BSN: variants seen among roughly 807,000 people sequenced by gnomAD.
The protein encoded by BSN is bassoon presynaptic cytomatrix protein.
BSN carries 57 observed loss-of-function variants against 264.8 expected under a neutral mutation model. The observed-to-expected ratio is 0.22, with a 90% CI of 0.17 to 0.27. The LOEUF is 0.27. BSN is among the 10% of genes least tolerant of loss of function. The probability of loss-of-function intolerance (pLI) is 1.00; values close to 1 mark genes in which losing one functional copy is unlikely to be tolerated. For synonymous variants in BSN, 2,059 were observed against 2,137.3 expected (o/e 0.96, Z 1.01); for missense variants, 4,615 against 5,232.5 (o/e 0.88, Z 3.64).
In BSN at chr3:49,661,863, G is replaced by A. The variant is rs2052659845; in HGVS notation, c.10018G>A (p.Gly3340Arg). Residue 3340 changes from glycine (G) to arginine (R), a missense_variant, in exon 6 of 12, where the codon GGG becomes AGG. This residue lies in a region of BSN where 3,415 missense variants were observed against 3,866.4 expected (regional missense o/e 0.88). Transcript: ENST00000296452. ...AGAGAAGTATGGTCCAGGGCCCATG[G>A]GGCCCAAGCATCCCTCCAAGAGCCT... ...RVEKYGPGPM[G>R]PKHPSKSLAP... 7 of 1,613,614 alleles carry A rather than the reference G, an allele frequency of 4.3e-6. No homozygotes were observed. In the East Asian group the frequency reaches 6.7e-5, roughly 15 times the overall value.
At position 49,554,596 on chromosome 3, in the gene BSN, G is replaced by C; in HGVS notation, c.-7G>C. The stretch of plus-strand genomic sequence containing the variant: ...CGACCCCGACCCCGCCCGCCCGCCT[G>C]CCCGCCATGGGCAACGAGGTCAGCC... On this transcript the variant is annotated 5_prime_UTR_variant, in exon 1 of 12. Transcript: ENST00000296452. 1.0e-6 allele frequency: 1 copy of C among 980,818 alleles called. No individual in the cohort carries two copies. The highest frequency in any genetic ancestry group is 1.2e-6 in the Non-Finnish European group (1 of 826,470). The allele number at this position is 980,818 out of a possible 1,614,324, so 60.8% of individuals were successfully genotyped here.
chr3:49,565,074 A>G (rs896715100), intron 1 of BSN, among the ~76,000 whole-genome samples: 4 of 150,694 alleles, frequency 2.7e-5, no homozygotes, highest in African/African-American at 9.7e-5. Context: ...TAGCTTCAAC[A>G]ATGATTAGCA....
At chr3:49,589,642 G>A (rs2051962783) in intron 1 of BSN, among the ~76,000 whole-genome samples, 1 of 150,188 alleles carries the variant, frequency 6.7e-6, no homozygotes, top group Non-Finnish European at 1.5e-5. Context: ...AAGTAGCTGT[G>A]ACTACAGGCG....
At chr3:49,592,763 AAG>A (rs1356841954) in intron 1 of BSN, among the ~76,000 whole-genome samples, 1 of 151,986 alleles carries the variant, frequency 6.6e-6, no homozygotes, top group African/African-American at 2.4e-5. Context: ...AAAAAAAAAA[AAG>A]AAATAATACA....
intron 1 of BSN, among the ~76,000 whole-genome samples, chr3:49,576,236 G>C (rs1022194696): frequency 9.2e-5 from 14 of 152,036 alleles, no homozygotes; most frequent in Non-Finnish European, 2.1e-4. Context: ...AGCTGCAGCA[G>C]CATCCTGCTT....
chr3:49,574,132 A>ATTTTTTTTTTT (rs33920630), intron 1 of BSN, among the ~76,000 whole-genome samples: 12 of 127,968 alleles, frequency 9.4e-5, no homozygotes, highest in East Asian at 2.2e-4. Context: ...GTATTTTTGT[A>ATTTTTTTTTTT]TTTTTTTTTT....
intron 1 of BSN, among the ~76,000 whole-genome samples, chr3:49,606,814 A>G (rs551202041): frequency 5.3e-5 from 8 of 152,160 alleles, no homozygotes; most frequent in African/African-American, 1.9e-4. Context: ...AAACCTGACC[A>G]TGCCAAAATA....
chr3:49,656,395 T>C lies in BSN; in HGVS notation c.6839T>C (p.Val2280Ala). The change falls in exon 5 of 12, where the codon GTC becomes GCC. Residue 2280 changes from valine to alanine, a missense_variant. By Grantham distance (64) the Val-to-Ala change is moderately conservative. Around this residue, in one of 3 missense-constraint regions of BSN, gnomAD observed 3,415 missense variants for 3,866.4 expected, o/e 0.88. Coordinates refer to ENST00000296452, the MANE Select transcript of BSN (RefSeq NM_003458.4). ...AGTGTTCCACCTGCAGAAGGGCCTG[T>C]CTATCTGGGGAAACCTGCTGCTGCC... ...ASSVPPAEGPVYLGKPAAAKA... is the reference protein window; with the variant it reads ...ASSVPPAEGPAYLGKPAAAKA... 6.3e-7 allele frequency: 1 copy of C among 1,592,604 alleles called. No homozygotes were observed. The highest frequency in any genetic ancestry group is 8.6e-7 in the Non-Finnish European group (1 of 1,168,490).
Position 49,602,264 on chromosome 3 carries a change from A to C in BSN, c.225-22711A>C, listed in dbSNP as rs190557032. Among the ~76,000 whole-genome samples the C allele has an allele frequency of 7.9e-4, 121 of 152,252 alleles. 1 individual carries two copies. The East Asian group carries it at 0.022, about 28-fold the overall frequency. ...ATGCTCTCCTCTGTGTCCCTGGGGC[A>C]GCAGGACAACTCATTCTGACTGAAT... On this transcript the variant is annotated intron_variant, in intron 1 of 11. Transcript: ENST00000296452.
In BSN at chr3:49,554,663, G is replaced by GCCGGCC. The variant is rs886854599; in HGVS notation, c.69_74dup (p.Pro31_Gly32dup). 25 of 992,200 alleles carry GCCGGCC rather than the reference G, an allele frequency of 2.5e-5. No individual in the cohort carries two copies. Among genetic ancestry groups the GCCGGCC allele is most frequent in the Non-Finnish European group, 2.9e-5 (24 of 836,032 alleles). The allele number at this position is 992,200 out of a possible 1,614,324, so 61.5% of individuals were successfully genotyped here. The stretch of plus-strand genomic sequence containing the variant: ...CGACGGGCCGCTGCCGCCCGGCGGC[G>GCCGGCC]CCGGCCCCGGCCCGGGCCCCGGCCC... On this transcript the variant is annotated inframe_insertion, in exon 1 of 12. Coordinates refer to ENST00000296452, the MANE Select transcript of BSN (RefSeq NM_003458.4).
intron 1 of BSN, 59 bp downstream of exon 1, chr3:49,554,885 G>C: frequency 9.5e-7 from 1 of 1,050,020 alleles, no homozygotes; most frequent in Non-Finnish European, 1.2e-6. Flanking sequence ...CCGGGACCCG[G>C]GCCCAGGATC....
chr3:49,667,479 A>G (rs1412962855), intron 11 of BSN, 111 bp from the exon 12 acceptor site: 1 of 152,656 alleles, frequency 6.6e-6, no homozygotes, highest in Non-Finnish European at 1.5e-5. Flanking sequence ...GGCCGCTAGC[A>G]CAGGCAGATG....
At chr3:49,622,323 C>T (rs769231883) in intron 1 of BSN, among the ~76,000 whole-genome samples, 3 of 152,156 alleles carry the variant, frequency 2.0e-5, no homozygotes, top group East Asian at 1.9e-4. Context: ...GGACATATAT[C>T]GCGATCTCCA....
chr3:49,658,183 G>C lies in BSN; in HGVS notation c.8627G>C (p.Gly2876Ala), dbSNP rs200873893. The C allele has an allele frequency of 5.2e-5, 82 of 1,569,750 alleles. No homozygotes were observed. Among genetic ancestry groups the C allele is most frequent in the African/African-American group, 8.1e-5 (6 of 73,904 alleles). ...TTCTCCCTCTACCAGCACCAGGGGG[G>C]ACTGGGTAGCCAGGTATGGGAACAG... ...ERFSLYQHQG[G>A]LGSQVSALPP... The change falls in exon 5 of 12, where the codon GGA becomes GCA. Residue 2876 changes from glycine to alanine, a missense_variant. By Grantham distance (60) the Gly-to-Ala change is moderately conservative. Around this residue, in one of 3 missense-constraint regions of BSN, gnomAD observed 3,415 missense variants for 3,866.4 expected, o/e 0.88. Coordinates refer to ENST00000296452, the MANE Select transcript of BSN (RefSeq NM_003458.4).
chr3:49,602,951 G>A (rs1335321547), intron 1 of BSN, among the ~76,000 whole-genome samples: 3 of 152,236 alleles, frequency 2.0e-5, no homozygotes, highest in Non-Finnish European at 4.4e-5. Context: ...GGTGTGCTGT[G>A]AGTCAGGGCA....
intron 1 of BSN, among the ~76,000 whole-genome samples, chr3:49,616,363 A>C (rs1203241888): frequency 6.6e-6 from 1 of 152,062 alleles, no homozygotes; most frequent in Non-Finnish European, 1.5e-5. Flanking sequence ...CTGCCCTGGG[A>C]CTCAAAGGAG....
intron 1 of BSN, among the ~76,000 whole-genome samples, chr3:49,577,942 T>A (rs1273492129): frequency 6.6e-6 from 1 of 152,220 alleles, no homozygotes; most frequent in African/African-American, 2.4e-5. Flanking sequence ...AAGAGCCTGC[T>A]ACATAGAGTG....
In BSN at chr3:49,655,793, A is replaced by G. The variant is rs1264827066; in HGVS notation, c.6237A>G (p.Ala2079=). The G allele has an allele frequency of 6.2e-7, 1 of 1,613,442 alleles. No individual in the cohort carries two copies. The highest frequency in any genetic ancestry group is 8.5e-7 in the Non-Finnish European group (1 of 1,180,030). The change falls in exon 5 of 12, where the codon GCA becomes GCG. Residue 2079 remains alanine, a synonymous_variant. Transcript: ENST00000296452. ...SDHRYGPRGD[A]VGFQEASLAQ... ...ACAGGTACGGCCCACGGGGAGATGCAGTTGGCTTCCAGGAGGCCAGCCTGG... is the reference window on the plus strand; with the variant it reads ...ACAGGTACGGCCCACGGGGAGATGCGGTTGGCTTCCAGGAGGCCAGCCTGG...
chr3:49,622,135 G>A (rs575921761), intron 1 of BSN, among the ~76,000 whole-genome samples: 1 of 152,260 alleles, frequency 6.6e-6, no homozygotes, highest in South Asian at 2.1e-4. Context: ...AACACTGGGG[G>A]ACAGGAGTAG....
Sources: gnomAD v4.1 joint callset for allele counts (sites outside exome capture counted in the v4.1 genomes callset) on GRCh38, gnomAD v4.1.1 for gene constraint, gnomAD v4.1.1 regional missense constraint, MANE v1.5 for transcripts, NCBI Gene and HGNC (gene_info 2026-07-23, HGNC 2026-07-21) for gene names.